KCNQ3: variants seen among roughly 807,000 people sequenced by gnomAD.
KCNQ3 encodes the protein potassium voltage-gated channel subfamily KQT member 3.
In KCNQ3, 30 loss-of-function variants were observed where a neutral mutation model predicts 92.5. The observed-to-expected ratio is 0.32, with a 90% CI of 0.24 to 0.44. The LOEUF is 0.44. Ranked by LOEUF, KCNQ3 falls within the 20% of genes least tolerant of loss-of-function variation. The pLI is 1.00. For synonymous variants in KCNQ3, 450 were observed against 468.8 expected (o/e 0.96, Z 0.52); for missense variants, 913 against 1,140.3 (o/e 0.80, Z 2.87).
chr8:132,155,551 T>G (rs1044586330), intron 9 of KCNQ3, among the ~76,000 whole-genome samples: 2 of 152,170 alleles, frequency 1.3e-5, no homozygotes, highest in Non-Finnish European at 2.9e-5. Context: ...ATAGGTACCC[T>G]TATTATAACC....
At chr8:132,273,758 C>T (rs1276079204) in intron 1 of KCNQ3, among the ~76,000 whole-genome samples, 4 of 152,168 alleles carry the variant, frequency 2.6e-5, no homozygotes, top group African/African-American at 9.7e-5. Context: ...ATTTCTTCTG[C>T]CAGATACTCT....
intron 13 of KCNQ3, among the ~76,000 whole-genome samples, chr8:132,133,078 G>GCA (rs1335635444): frequency 6.6e-6 from 1 of 152,162 alleles, no homozygotes; most frequent in African/African-American, 2.4e-5. Flanking sequence ...TCTTTGGCCT[G>GCA]CACGGGGTTT....
chr8:132,247,480 A>G (rs1488787178), intron 1 of KCNQ3, among the ~76,000 whole-genome samples: 2 of 152,084 alleles, frequency 1.3e-5, no homozygotes, highest in East Asian at 3.9e-4. Flanking sequence ...GGGCAAGAGA[A>G]AACCCTATTA....
At position 132,411,979 on chromosome 8, in the gene KCNQ3, T is replaced by C. The variant is rs141811296; in HGVS notation, c.386+68168A>G. On this transcript the variant is annotated intron_variant, in intron 1 of 14. Transcript: ENST00000388996. ...TTTTGAGCACCAATTCAGTGCCAGC[T>C]GGCCTTTTCTGGGGTTAGGCAACTA... is the stretch of plus-strand genomic sequence containing the variant. Among the ~76,000 whole-genome samples, 1,404 of 152,304 alleles carry C rather than the reference T, an allele frequency of 9.2e-3. 29 individuals carry two copies. Among genetic ancestry groups the C allele is most frequent in the African/African-American group, 0.032 (1,336 of 41,554 alleles).
At chr8:132,357,154 T>G (rs1325061917) in intron 1 of KCNQ3, among the ~76,000 whole-genome samples, 1 of 152,306 alleles carries the variant, frequency 6.6e-6, no homozygotes, top group Non-Finnish European at 1.5e-5. Context: ...ACTCACCCAG[T>G]CAGACCATGT....
At chr8:132,411,228 G>A (rs72721060) in intron 1 of KCNQ3, among the ~76,000 whole-genome samples, 4,967 of 152,284 alleles carry the variant, frequency 0.033, 107 homozygotes, top group Non-Finnish European at 0.052. Context: ...TGTTGCCTGA[G>A]GGAGGTGAGA....
intron 1 of KCNQ3, among the ~76,000 whole-genome samples, chr8:132,404,659 T>C (rs1441483670): frequency 6.6e-6 from 1 of 152,132 alleles, no homozygotes; most frequent in Non-Finnish European, 1.5e-5. Context: ...TTGCAATAAA[T>C]CCCTTTATAT....
At position 132,174,356 on chromosome 8, in the gene KCNQ3, A is replaced by G; in HGVS notation, c.934-7T>C. On this transcript the variant is annotated splice_polypyrimidine_tract_variant and splice_region_variant and intron_variant, in intron 5 of 14. Coordinates refer to ENST00000388996, the MANE Select transcript of KCNQ3 (RefSeq NM_004519.4). The stretch of plus-strand genomic sequence containing the variant: ...CAATGGTGGCCAGTGTGATCTGAAG[A>G]GAGAAGAGTTCAGACATGGAGTACC... 6.5e-7 allele frequency: 1 copy of G among 1,543,606 alleles called. No homozygotes were observed. The highest frequency in any genetic ancestry group is 1.7e-4 in the Middle Eastern group (1 of 5,962).
intron 1 of KCNQ3, among the ~76,000 whole-genome samples, chr8:132,386,052 A>C (rs1041668104): frequency 1.3e-5 from 2 of 152,162 alleles, no homozygotes; most frequent in African/African-American, 4.8e-5. Flanking sequence ...TGGTGCAGGG[A>C]AAGATCAGAC....
intron 1 of KCNQ3, among the ~76,000 whole-genome samples, chr8:132,244,883 A>G (rs1815112684): frequency 7.0e-6 from 1 of 143,352 alleles, no homozygotes; most frequent in Non-Finnish European, 1.5e-5. Context: ...CACAGTTTTT[A>G]TTATAAAGGT....
chr8:132,132,051 G>T, intron 14 of KCNQ3, 129 bp downstream of exon 14: 1 of 696,142 alleles, frequency 1.4e-6, no homozygotes, highest in East Asian at 2.8e-5. Flanking sequence ...TCGCGCCATT[G>T]CACTCCAGCC....
intron 1 of KCNQ3, among the ~76,000 whole-genome samples, chr8:132,260,710 C>T (rs894100973): frequency 2.0e-5 from 3 of 152,106 alleles, no homozygotes; most frequent in African/African-American, 7.2e-5. Context: ...CTGCTTGGAA[C>T]CGCCTCAGTT....
At chr8:132,333,700 T>G (rs898923280) in intron 1 of KCNQ3, among the ~76,000 whole-genome samples, 1 of 152,024 alleles carries the variant, frequency 6.6e-6, no homozygotes, top group Non-Finnish European at 1.5e-5. Context: ...TAATGTAAAC[T>G]TTGTCCTATG....
At chr8:132,401,915 G>C (rs572188745) in intron 1 of KCNQ3, among the ~76,000 whole-genome samples, 14 of 152,298 alleles carry the variant, frequency 9.2e-5, no homozygotes, top group South Asian at 8.3e-4. Flanking sequence ...GGAGAACCTA[G>C]AGTCTGGAAC....
chr8:132,404,785 A>C (rs1820434150), intron 1 of KCNQ3, among the ~76,000 whole-genome samples: 1 of 152,174 alleles, frequency 6.6e-6, no homozygotes, highest in African/African-American at 2.4e-5. Context: ...CAAGGAGGGG[A>C]CTTAATAGTC....
intron 1 of KCNQ3, among the ~76,000 whole-genome samples, chr8:132,189,143 T>C (rs180878377): frequency 6.6e-6 from 1 of 152,334 alleles, no homozygotes; most frequent in East Asian, 1.9e-4. Flanking sequence ...TGAGCCCATG[T>C]GCCTTCTGTC....
intron 1 of KCNQ3, among the ~76,000 whole-genome samples, chr8:132,316,906 G>A (rs571408294): frequency 5.3e-5 from 8 of 152,186 alleles, no homozygotes; most frequent in East Asian, 1.9e-4. Flanking sequence ...TTCTCATGTC[G>A]TTGGTGGTAT....
intron 9 of KCNQ3, among the ~76,000 whole-genome samples, chr8:132,157,007 T>C (rs1167116000): frequency 6.6e-6 from 1 of 152,208 alleles, no homozygotes; most frequent in East Asian, 1.9e-4. Flanking sequence ...AAGAAAGGAC[T>C]CTGGTCTAGA....
At chr8:132,155,698 G>T (rs758569413) in intron 9 of KCNQ3, among the ~76,000 whole-genome samples, 3 of 152,172 alleles carry the variant, frequency 2.0e-5, no homozygotes, top group Admixed American at 6.5e-5. Flanking sequence ...CTACTATTGT[G>T]GCTGGAAACT....
Sources: allele counts gnomAD v4.1 joint callset (sites outside exome capture counted in the v4.1 genomes callset), GRCh38; gene constraint gnomAD v4.1.1; transcripts MANE v1.5; gene names NCBI Gene and HGNC (gene_info 2026-07-23, HGNC 2026-07-21).